The following RHOJ variants were observed in gnomAD, a reference collection of about 807,000 sequenced individuals.
RHOJ encodes rho-related GTP-binding protein RhoJ.
Under a neutral mutation model 23.4 loss-of-function variants are expected in RHOJ, and 11 were observed. The ratio of observed to expected loss-of-function variants is 0.47; its 90% CI spans 0.30 to 0.78. The LOEUF (loss-of-function observed/expected upper bound fraction) is 0.78, where lower values mean the gene tolerates loss of function less well. Among genes scored for constraint, RHOJ ranks in the 30% least tolerant of loss-of-function variants. The pLI is 0.08. For synonymous variants in RHOJ, 102 were observed against 102.7 expected, an observed-to-expected ratio of 0.99 and a Z score of 0.04; for missense variants, 254 against 273.4, an observed-to-expected ratio of 0.93 and a Z score of 0.50.
intron 1 of RHOJ, among the ~76,000 whole-genome samples, chr14:63,226,593 A>G (rs1349599933): frequency 6.6e-6 from 1 of 151,034 alleles, no homozygotes; most frequent in Non-Finnish European, 1.5e-5. Flanking sequence ...AACTATATAT[A>G]CAAGAATAAA....
intron 3 of RHOJ, among the ~76,000 whole-genome samples, chr14:63,282,037 A>G (rs1367513066): frequency 6.6e-6 from 1 of 152,192 alleles, no homozygotes; most frequent in African/African-American, 2.4e-5. Flanking sequence ...TTACTTAGAG[A>G]AAGTAGAGGA....
intron 1 of RHOJ, among the ~76,000 whole-genome samples, chr14:63,220,605 G>T (rs1894471030): frequency 6.6e-6 from 1 of 152,110 alleles, no homozygotes; most frequent in Non-Finnish European, 1.5e-5. Flanking sequence ...ATCCTGGCTG[G>T]GCAGCTCCAT....
At chr14:63,218,997 AT>A (rs1395594327) in intron 1 of RHOJ, among the ~76,000 whole-genome samples, 1 of 152,186 alleles carries the variant, frequency 6.6e-6, no homozygotes, top group Non-Finnish European at 1.5e-5. Context: ...AGATAAATAG[AT>A]ATATCGCTTC....
intron 2 of RHOJ, among the ~76,000 whole-genome samples, chr14:63,274,760 C>G (rs887058423): frequency 8.5e-5 from 13 of 152,182 alleles, no homozygotes; most frequent in Admixed American, 2.0e-4. Flanking sequence ...TACCCAGGAT[C>G]ACACCATAGT....
chr14:63,241,189 A>C (rs1036647794), intron 1 of RHOJ, among the ~76,000 whole-genome samples: 2 of 152,218 alleles, frequency 1.3e-5, no homozygotes, highest in Non-Finnish European at 1.5e-5. Flanking sequence ...TGGTCATTGA[A>C]GTCTACGTTT....
chr14:63,222,162 AT>A, intron 1 of RHOJ, among the ~76,000 whole-genome samples: 1 of 151,760 alleles, frequency 6.6e-6, no homozygotes, highest in African/African-American at 2.4e-5. Flanking sequence ...ACTCATCCTT[AT>A]TTATGGCTGC....
At chr14:63,245,084 A>G (rs1894952865) in intron 1 of RHOJ, among the ~76,000 whole-genome samples, 1 of 152,248 alleles carries the variant, frequency 6.6e-6, no homozygotes, top group Non-Finnish European at 1.5e-5. Flanking sequence ...TTGCTGAATA[A>G]CTAAAATCCA....
In RHOJ at chr14:63,254,578, T is replaced by C. The variant is rs147769455; in HGVS notation, c.179-14532T>C. Among the ~76,000 whole-genome samples, 57 of 152,098 alleles carry C rather than the reference T, an allele frequency of 3.7e-4. 1 individual carries two copies. The highest frequency in any genetic ancestry group is 3.7e-4 in the Non-Finnish European group (25 of 68,036). On this transcript the variant is annotated intron_variant, in intron 1 of 4. Transcript: ENST00000316754. ...TCACAGTCCAGTCAGCTATTAAGCA[T>C]TTGTAGTAGCTCATTGTGTGGGGGA... is the stretch of plus-strand genomic sequence containing the variant.
In RHOJ at chr14:63,283,189, C is replaced by T. The variant is rs190487730; in HGVS notation, c.471C>T (p.Tyr157=). The T allele has an allele frequency of 5.6e-6, 9 of 1,613,992 alleles. No homozygotes were observed. Among genetic ancestry groups the T allele is most frequent in the Admixed American group, 3.3e-5 (2 of 60,022 alleles). The change falls in exon 4 of 5, where the codon TAC becomes TAT. Residue 157 remains tyrosine (Y), a synonymous_variant. Coordinates refer to ENST00000316754, the MANE Select transcript of RHOJ (RefSeq NM_020663.5). The part of the protein sequence containing the change: ...LLYMKEKPLT[Y]EHGVKLAKAI... ...ATATGAAAGAGAAACCTCTCACTTA[C>T]GAGCATGGTGTGAAGCTCGCAAAAG...
At chr14:63,224,069 T>A (rs1164770213) in intron 1 of RHOJ, among the ~76,000 whole-genome samples, 1 of 152,084 alleles carries the variant, frequency 6.6e-6, no homozygotes, top group East Asian at 1.9e-4. Context: ...TCCCAAGAAA[T>A]CACAAATTAT....
In RHOJ at chr14:63,259,375, G is replaced by A. The variant is rs9635175; in HGVS notation, c.179-9735G>A. On this transcript the variant is annotated intron_variant, in intron 1 of 4. Coordinates refer to ENST00000316754, the MANE Select transcript of RHOJ (RefSeq NM_020663.5). ...CATCTTTCTATCTTTCAGTGACAAC[G>A]CATAACATAGGTTCTGAAAGGAGTC... is the stretch of plus-strand genomic sequence containing the variant. 4.6e-3 allele frequency among the ~76,000 whole-genome samples: 698 copies of A among 152,288 alleles called. 25 individuals are homozygous for A. The East Asian group carries it at 0.1, about 23-fold the overall frequency.
intron 1 of RHOJ, among the ~76,000 whole-genome samples, chr14:63,247,171 T>G (rs1337626192): frequency 6.6e-6 from 1 of 152,126 alleles, no homozygotes; most frequent in African/African-American, 2.4e-5. Context: ...TAAGAAAAAG[T>G]TGGTAGAATT....
intron 1 of RHOJ, among the ~76,000 whole-genome samples, chr14:63,233,089 A>G (rs981707035): frequency 1.3e-5 from 2 of 152,162 alleles, no homozygotes; most frequent in Non-Finnish European, 2.9e-5. Context: ...ATATTAATTG[A>G]GGAGAATGTG....
intron 1 of RHOJ, among the ~76,000 whole-genome samples, chr14:63,218,957 G>C (rs900493494): frequency 7.9e-5 from 12 of 152,198 alleles, no homozygotes; most frequent in Admixed American, 4.6e-4. Context: ...CTTATGGTAG[G>C]AGAGGAAGAG....
intron 3 of RHOJ, 63 bp downstream of exon 3, chr14:63,281,198 C>T: frequency 6.8e-7 from 1 of 1,475,474 alleles, no homozygotes; most frequent in Non-Finnish European, 9.2e-7. Flanking sequence ...CTTTAGGTAC[C>T]TCGTGAACAT....
At chr14:63,285,067 G>A (rs1377380504) in intron 4 of RHOJ, among the ~76,000 whole-genome samples, 3 of 151,840 alleles carry the variant, frequency 2.0e-5, no homozygotes, top group African/African-American at 7.3e-5. Context: ...GATGCTTTAA[G>A]TTTCTCTACT....
In RHOJ at chr14:63,288,348, AATT is replaced by A. The variant is rs894082740; in HGVS notation, c.499-2529_499-2527del. ...AGTGAGCTCAGCCCAGCTGTCCTGG[AATT>A]CCAGGCAGAATCAATCCTAGGCTTG... is the stretch of plus-strand genomic sequence containing the variant. On this transcript the variant is annotated intron_variant, in intron 4 of 4. Coordinates refer to ENST00000316754, the MANE Select transcript of RHOJ (RefSeq NM_020663.5). The A allele has an allele frequency of 7.8e-5, 77 of 985,196 alleles. No homozygotes were observed. The African/African-American group carries it at 1.3e-3, about 16-fold the overall frequency. The allele number at this position is 985,196 out of a possible 1,614,324, so 61.0% of individuals were successfully genotyped here. A position where few individuals can be genotyped will look rare whatever the true frequency, so the allele number is the denominator to read the frequency against.
chr14:63,274,282 G>A (rs1411376154), intron 2 of RHOJ, among the ~76,000 whole-genome samples: 1 of 152,116 alleles, frequency 6.6e-6, no homozygotes, highest in Non-Finnish European at 1.5e-5. Context: ...CCCTCAATGA[G>A]CAACTCCAAA....
At chr14:63,228,285 G>C (rs1226549044) in intron 1 of RHOJ, among the ~76,000 whole-genome samples, 2 of 152,174 alleles carry the variant, frequency 1.3e-5, no homozygotes, top group East Asian at 3.9e-4. Context: ...GTAAACTGGA[G>C]AGCAAATTTA....
Sources: allele counts gnomAD v4.1 joint callset (sites outside exome capture counted in the v4.1 genomes callset), GRCh38; gene constraint gnomAD v4.1.1; transcripts MANE v1.5; gene names NCBI Gene and HGNC (gene_info 2026-07-23, HGNC 2026-07-21).